Variants in SCPEP1 observed in about 807,000 individuals in gnomAD.
The protein encoded by SCPEP1 is retinoid-inducible serine carboxypeptidase.
SCPEP1 carries 51 observed loss-of-function variants against 63.8 expected under a neutral mutation model. The ratio of observed to expected loss-of-function variants is 0.80; its 90% CI spans 0.64 to 1.01. The LOEUF (loss-of-function observed/expected upper bound fraction) is 1.01. SCPEP1 is among the 50% of genes least tolerant of loss of function. The pLI, the probability that SCPEP1 is intolerant of heterozygous loss-of-function variation, is 0.00. For synonymous variants in SCPEP1, 204 were observed against 207.8 expected, an observed-to-expected ratio of 0.98 and a Z score of 0.16; for missense variants, 499 against 554.9, an observed-to-expected ratio of 0.90 and a Z score of 1.01.
chr17:56,987,986 G>T (rs1006455658), intron 4 of SCPEP1, 136 bp downstream of exon 4: 3 of 1,041,450 alleles, frequency 2.9e-6, no homozygotes, highest in Non-Finnish European at 4.1e-6. Context: ...CCAAGATTGG[G>T]TTGTGGACTT....
intron 7 of SCPEP1, 40 bp from the exon 8 acceptor site, chr17:56,995,467 C>G: frequency 6.2e-7 from 1 of 1,600,226 alleles, no homozygotes. Flanking sequence ...TTGACGTTCC[C>G]AAGTAAAGTG....
At chr17:56,985,913 C>T (rs983564739) in intron 3 of SCPEP1, among the ~76,000 whole-genome samples, 3 of 151,962 alleles carry the variant, frequency 2.0e-5, no homozygotes, top group African/African-American at 4.8e-5. Context: ...TCATTCTTAT[C>T]GTCTCTTCCT....
intron 10 of SCPEP1, among the ~76,000 whole-genome samples, chr17:57,000,641 C>T (rs1284071266): frequency 6.6e-6 from 1 of 152,194 alleles, no homozygotes; most frequent in East Asian, 1.9e-4. Context: ...GCTGTCATCA[C>T]AAGCTCTCAA....
At chr17:56,987,639 A>G in intron 3 of SCPEP1, 56 bp from the exon 4 acceptor site, 1 of 1,573,122 alleles carries the variant, frequency 6.4e-7, no homozygotes, top group Non-Finnish European at 8.7e-7. Flanking sequence ...TGATCCAAAG[A>G]TGATTGGTGA....
chr17:56,986,184 C>T (rs1911211919), intron 3 of SCPEP1, among the ~76,000 whole-genome samples: 1 of 152,108 alleles, frequency 6.6e-6, no homozygotes, highest in African/African-American at 2.4e-5. Flanking sequence ...GCTCCTCCTC[C>T]AGCCTCCCTC....
chr17:56,989,454 T>C (rs910359995), intron 5 of SCPEP1, among the ~76,000 whole-genome samples: 1 of 152,236 alleles, frequency 6.6e-6, no homozygotes, highest in Non-Finnish European at 1.5e-5. Flanking sequence ...ACAATGTCAA[T>C]TTTTTAAAGA....
intron 5 of SCPEP1, among the ~76,000 whole-genome samples, chr17:56,989,192 G>A (rs1911312317): frequency 6.6e-6 from 1 of 151,780 alleles, no homozygotes; most frequent in South Asian, 2.1e-4. Flanking sequence ...TGTGTCTCAG[G>A]AAAAAAATGA....
chr17:56,993,885 C>T (rs1455058565), intron 6 of SCPEP1, among the ~76,000 whole-genome samples: 1 of 152,106 alleles, frequency 6.6e-6, no homozygotes, highest in Non-Finnish European at 1.5e-5. Flanking sequence ...AGTCTCTGGC[C>T]CAGATCAAAC....
At chr17:57,006,118 C>T in intron 12 of SCPEP1, 55 bp from the exon 13 acceptor site, 1 of 1,461,542 alleles carries the variant, frequency 6.8e-7, no homozygotes. Context: ...TTGCCTCTGA[C>T]CCCAGCCCCA....
At position 57,006,730 on chromosome 17, in the gene SCPEP1, C is replaced by A. The variant is rs1157973084; in HGVS notation, c.*495C>A. 6.6e-6 allele frequency: 1 copy of A among 152,082 alleles called. No homozygotes were observed. The highest frequency in any genetic ancestry group is 1.5e-5 in the Non-Finnish European group (1 of 68,020). 9.4% of individuals were successfully genotyped at this position (152,082 alleles called of 1,614,324 possible). A position where few individuals can be genotyped will look rare whatever the true frequency, so the allele number is the denominator to read the frequency against. ...TGACATATCAGTATATCTGAAACAC[C>A]TTTTCATGTCAATAAATGTTCTTCT... On this transcript the variant is annotated 3_prime_UTR_variant, in exon 13 of 13. Coordinates refer to ENST00000262288, the MANE Select transcript of SCPEP1 (RefSeq NM_021626.3).
chr17:56,995,516 G>A lies in SCPEP1; in HGVS notation c.667G>A (p.Glu223Lys), dbSNP rs138036655. 8.7e-6 allele frequency: 14 copies of A among 1,612,388 alleles called. No individual in the cohort carries two copies. Among genetic ancestry groups the A allele is most frequent in the Non-Finnish European group, 1.2e-5 (14 of 1,179,536 alleles). ...TTGGTTTGCATTCCAGTCTCTTCTC[G>A]AAGACAAAGGTCTGGCAGAGGTGTC... ...GPYLYSMSLL[E>K]DKGLAEVSKV... is the part of the protein sequence containing the mutation. The change falls in exon 8 of 13, where the codon GAA (glutamate) becomes AAA (lysine). Residue 223 changes from glutamate to lysine, a missense_variant. Transcript: ENST00000262288.
intron 3 of SCPEP1, 102 bp from the exon 4 acceptor site, chr17:56,987,593 C>A: frequency 8.9e-7 from 1 of 1,121,378 alleles, no homozygotes; most frequent in Non-Finnish European, 1.3e-6. Context: ...ACGCTGGTAT[C>A]CTCACATGTG....
At chr17:57,002,928 G>A (rs1010757606) in intron 12 of SCPEP1, among the ~76,000 whole-genome samples, 1 of 151,874 alleles carries the variant, frequency 6.6e-6, no homozygotes, top group African/African-American at 2.4e-5. Context: ...GCTTGGGAGT[G>A]TTTTGAGTTT....
At chr17:56,985,266 C>A in intron 2 of SCPEP1, 112 bp from the exon 3 acceptor site, 1 of 783,060 alleles carries the variant, frequency 1.3e-6, no homozygotes, top group South Asian at 1.6e-5. Flanking sequence ...GTCTTTTGTG[C>A]AAATTGACCC....
intron 10 of SCPEP1, among the ~76,000 whole-genome samples, chr17:56,999,313 G>T (rs998026094): frequency 6.6e-6 from 1 of 152,088 alleles, no homozygotes; most frequent in Admixed American, 6.6e-5. Flanking sequence ...CTGCGTTCTG[G>T]TCTCAAGGCC....
intron 7 of SCPEP1, 139 bp from the exon 8 acceptor site, chr17:56,995,368 G>A: frequency 2.3e-6 from 2 of 856,990 alleles, no homozygotes; most frequent in Non-Finnish European, 3.6e-6. Flanking sequence ...TAAACATGTG[G>A]CTTGTAACAA....
At chr17:56,984,996 T>G (rs1178345292) in intron 2 of SCPEP1, 2 of 224,464 alleles carry the variant, frequency 8.9e-6, no homozygotes, top group African/African-American at 2.3e-5. Flanking sequence ...TCCAACTACT[T>G]GAGGGGGCTG....
intron 6 of SCPEP1, among the ~76,000 whole-genome samples, chr17:56,993,518 A>G (rs1050488846): frequency 1.1e-4 from 16 of 152,326 alleles, no homozygotes; most frequent in African/African-American, 3.4e-4. Flanking sequence ...ATCTCGGCTC[A>G]CTGCAACCTC....
intron 3 of SCPEP1, 113 bp from the exon 4 acceptor site, chr17:56,987,582 C>A: frequency 1.1e-6 from 1 of 910,998 alleles, no homozygotes; most frequent in Non-Finnish European, 1.6e-6. Flanking sequence ...ATATCATCAC[C>A]ACGCTGGTAT....
Sources: allele counts gnomAD v4.1 joint callset (sites outside exome capture counted in the v4.1 genomes callset), GRCh38; gene constraint gnomAD v4.1.1; transcripts MANE v1.5; gene names NCBI Gene and HGNC (gene_info 2026-07-23, HGNC 2026-07-21).